ZW10: variants seen among roughly 807,000 people sequenced by gnomAD.
ZW10 encodes zw10 kinetochore protein.
ZW10 carries 53 observed loss-of-function variants against 87.8 expected under a neutral mutation model. The ratio of observed to expected loss-of-function variants is 0.60; its 90% CI spans 0.48 to 0.76. The LOEUF is 0.76. ZW10 is among the 30% of genes least tolerant of loss of function. The pLI is 0.00. For synonymous variants in ZW10, 312 were observed against 329.2 expected, an observed-to-expected ratio of 0.95 and a Z score of 0.57; for missense variants, 837 against 923.0, an observed-to-expected ratio of 0.91 and a Z score of 1.21.
At position 113,733,462 on chromosome 11, in the gene ZW10, G is replaced by C; in HGVS notation, c.*232C>G. ...GTTTGTTAGCTAATCAAAGGAAGAT[G>C]GCTAGAAAGTCAATGAATTGAGGTG... On this transcript the variant is annotated 3_prime_UTR_variant, in exon 16 of 16. Coordinates refer to ENST00000200135, the MANE Select transcript of ZW10 (RefSeq NM_004724.4). The C allele has an allele frequency of 1.9e-6, 1 of 514,570 alleles. No homozygotes were observed. Among genetic ancestry groups the C allele is most frequent in the South Asian group, 2.5e-5 (1 of 40,056 alleles). 31.9% of individuals were successfully genotyped at this position (514,570 alleles called of 1,614,324 possible).
intron 7 of ZW10, among the ~76,000 whole-genome samples, chr11:113,749,760 T>C (rs533719942): frequency 1.3e-5 from 2 of 152,252 alleles, no homozygotes; most frequent in Non-Finnish European, 2.9e-5. Flanking sequence ...CACAATTTCA[T>C]TGTTTTGATA....
At chr11:113,769,736 T>G (rs1437332483) in intron 1 of ZW10, 3 of 420,930 alleles carry the variant, frequency 7.1e-6, no homozygotes, top group African/African-American at 6.7e-5. Context: ...CCATAAGGAT[T>G]AATGCCTGTG....
intron 15 of ZW10, 121 bp from the exon 16 acceptor site, chr11:113,733,935 G>A: frequency 1.6e-6 from 2 of 1,230,070 alleles, no homozygotes; most frequent in Non-Finnish European, 2.2e-6. Flanking sequence ...ACAAATCCTG[G>A]GCATCTTTCC....
chr11:113,770,132 A>G (rs1008984851), intron 1 of ZW10: 2 of 127,734 alleles, frequency 1.6e-5, no homozygotes, highest in African/African-American at 6.5e-5. Flanking sequence ...TCTGTCATCC[A>G]GGCTGGAATG....
At chr11:113,738,984 C>T (rs548637232) in intron 12 of ZW10, among the ~76,000 whole-genome samples, 31 of 152,266 alleles carry the variant, frequency 2.0e-4, no homozygotes, top group African/African-American at 6.3e-4. Flanking sequence ...GGAACTCTAA[C>T]GTACCATGAA....
intron 5 of ZW10, 30 bp from the exon 6 acceptor site, chr11:113,758,736 T>C (rs913074361): frequency 2.5e-6 from 4 of 1,609,566 alleles, no homozygotes; most frequent in Non-Finnish European, 3.4e-6. Flanking sequence ...ATATCAGCTG[T>C]CTCACCAATA....
intron 1 of ZW10, chr11:113,769,689 T>C (rs79129505): frequency 0.055 from 19,445 of 351,432 alleles, 716 homozygotes; most frequent in African/African-American, 0.13. Flanking sequence ...GCTTCACGTT[T>C]GAGTTGGTGG....
intron 2 of ZW10, among the ~76,000 whole-genome samples, chr11:113,761,327 A>C (rs1388664588): frequency 1.3e-5 from 2 of 152,102 alleles, no homozygotes; most frequent in Non-Finnish European, 2.9e-5. Context: ...GCCCAGGCTG[A>C]AGCGCAGTGG....
At position 113,761,730 on chromosome 11, in the gene ZW10, G is replaced by T. The variant is rs115753677; in HGVS notation, c.241-812C>A. On this transcript the variant is annotated intron_variant, in intron 2 of 15. Coordinates refer to ENST00000200135, the MANE Select transcript of ZW10 (RefSeq NM_004724.4). ...TTCATTTGTGAAATATATATTGACTGAATGCCTATAAGTGCATGGCTTATC... is the reference window on the plus strand; with the variant it reads ...TTCATTTGTGAAATATATATTGACTTAATGCCTATAAGTGCATGGCTTATC... Among the ~76,000 whole-genome samples, 1,176 of 152,184 alleles carry T rather than the reference G, an allele frequency of 7.7e-3. 15 individuals carry two copies. Among genetic ancestry groups the T allele is most frequent in the African/African-American group, 0.027 (1,135 of 41,516 alleles).
At chr11:113,756,068 A>G (rs1315654703) in intron 7 of ZW10, among the ~76,000 whole-genome samples, 2 of 152,194 alleles carry the variant, frequency 1.3e-5, no homozygotes, top group African/African-American at 2.4e-5. Flanking sequence ...CAAACCCGCA[A>G]TATCTCTGAG....
At chr11:113,772,307 T>C (rs1036853130) in intron 1 of ZW10, among the ~76,000 whole-genome samples, 6 of 152,166 alleles carry the variant, frequency 3.9e-5, no homozygotes, top group Non-Finnish European at 8.8e-5. Context: ...ACCTGTCCTC[T>C]TTCCATCACA....
In ZW10 at chr11:113,739,300, C is replaced by G. The variant is rs878916556; in HGVS notation, c.1666G>C (p.Gly556Arg). The change falls in exon 12 of 16, where the codon GGG (glycine) becomes CGG (arginine). Residue 556 changes from glycine (G) to arginine (R), a missense_variant. Physicochemically the swap from Gly to Arg is moderately radical, Grantham distance 125. Coordinates refer to ENST00000200135, the MANE Select transcript of ZW10 (RefSeq NM_004724.4). ...GCAAGACGCAATCTGAACTGATGCC[C>G]GAGGGTCAGCAAGTGGTGAGCAATG... ...MYIAHHLLTL[G>R]HQFRLRLAPI... is the part of the protein sequence containing the mutation. 2 of 1,613,702 alleles carry G rather than the reference C, an allele frequency of 1.2e-6. No individual in the cohort carries two copies. The highest frequency in any genetic ancestry group is 1.3e-5 in the African/African-American group (1 of 74,958).
intron 1 of ZW10, among the ~76,000 whole-genome samples, chr11:113,772,727 CT>C (rs1452586320): frequency 6.6e-6 from 1 of 150,696 alleles, no homozygotes; most frequent in Non-Finnish European, 1.5e-5. Flanking sequence ...AATCCCAGCA[CT>C]TTGGGAGGCC....
At chr11:113,745,716 A>G (rs1953670728) in intron 9 of ZW10, among the ~76,000 whole-genome samples, 1 of 152,238 alleles carries the variant, frequency 6.6e-6, no homozygotes, top group African/African-American at 2.4e-5. Flanking sequence ...ACCTAGTAAG[A>G]TGTCTCTTAA....
chr11:113,736,545 C>T (rs1953555238), intron 15 of ZW10, 75 bp downstream of exon 15: 8 of 1,471,916 alleles, frequency 5.4e-6, no homozygotes, highest in Non-Finnish European at 7.6e-6. Flanking sequence ...CAGGGAAAAG[C>T]CCTGCTATCA....
intron 6 of ZW10, 60 bp downstream of exon 6, chr11:113,758,494 T>G (rs1275203979): frequency 6.6e-7 from 1 of 1,517,764 alleles, no homozygotes; most frequent in Non-Finnish European, 9.0e-7. Context: ...TTTTCTGTCT[T>G]CCCTTTAATA....
At chr11:113,752,815 T>C (rs1487364317) in intron 7 of ZW10, among the ~76,000 whole-genome samples, 1 of 152,208 alleles carries the variant, frequency 6.6e-6, no homozygotes, top group Non-Finnish European at 1.5e-5. Flanking sequence ...CAATGGCTTA[T>C]ACGTGTTCAA....
At chr11:113,752,907 G>C (rs556078906) in intron 7 of ZW10, among the ~76,000 whole-genome samples, 4 of 152,330 alleles carry the variant, frequency 2.6e-5, no homozygotes, top group African/African-American at 9.6e-5. Context: ...CAAAGGCTCA[G>C]AGAAGTCAAA....
intron 5 of ZW10, among the ~76,000 whole-genome samples, chr11:113,759,303 C>A (rs915317708): frequency 6.6e-6 from 1 of 151,000 alleles, no homozygotes; most frequent in South Asian, 2.1e-4. Context: ...ATTCAACACA[C>A]CTGCCCTCTT....
Sources: gnomAD v4.1 joint callset for allele counts (sites outside exome capture counted in the v4.1 genomes callset) on GRCh38, gnomAD v4.1.1 for gene constraint, MANE v1.5 for transcripts, NCBI Gene and HGNC (gene_info 2026-07-23, HGNC 2026-07-21) for gene names.